Variants in WWC1 observed in about 807,000 individuals in gnomAD.
WWC1 encodes protein KIBRA.
In WWC1, 55 loss-of-function variants were observed where a neutral mutation model predicts 138.4. The ratio of observed to expected loss-of-function variants is 0.40; its 90% CI spans 0.32 to 0.50. WWC1 has a LOEUF of 0.50. Among genes scored for constraint, WWC1 ranks in the 20% least tolerant of loss-of-function variants. WWC1 has a pLI of 0.72. For missense variants in WWC1, 1,226 were observed against 1,420.4 expected (o/e 0.86, Z 2.20); for synonymous variants, 524 against 564.9 (o/e 0.93, Z 1.03).
rs1380401969 is a variant in WWC1 at position 168,301,530 on chromosome 5, C to T, written c.119+9259C>T. Among the ~76,000 whole-genome samples the T allele has an allele frequency of 4.6e-5, 7 of 151,534 alleles. No homozygotes were observed. In the South Asian group the frequency reaches 8.3e-4, roughly 18 times the overall value. On this transcript the variant is annotated intron_variant, in intron 1 of 22. Coordinates refer to ENST00000265293, the MANE Select transcript of WWC1 (RefSeq NM_015238.3). ...GCAGGCGCCTGTAATCCCAGCTACTCGGGAGGCTGAGGCAGGAGAGTCGCT... is the reference window on the plus strand; with the variant it reads ...GCAGGCGCCTGTAATCCCAGCTACTTGGGAGGCTGAGGCAGGAGAGTCGCT...
At chr5:168,368,225 G>C (rs968917083) in intron 1 of WWC1, among the ~76,000 whole-genome samples, 3 of 151,520 alleles carry the variant, frequency 2.0e-5, no homozygotes, top group Non-Finnish European at 1.5e-5. Context: ...CAAGTAGCTG[G>C]GATTACAGGT....
chr5:168,312,249 T>C (rs995849228), intron 1 of WWC1, among the ~76,000 whole-genome samples: 15 of 152,128 alleles, frequency 9.9e-5, no homozygotes, highest in Middle Eastern at 3.4e-3. Context: ...ACCAAGATTT[T>C]ATTGAGTGCA....
In WWC1 at chr5:168,469,094, T is replaced by G; in HGVS notation, c.*77T>G. On this transcript the variant is annotated 3_prime_UTR_variant, in exon 23 of 23. Coordinates refer to ENST00000265293, the MANE Select transcript of WWC1 (RefSeq NM_015238.3). ...TGTGGCTAAAGTTATTTATGTGGTG[T>G]TATATGAAGGTACTGAGTCACAAGT... is the stretch of plus-strand genomic sequence containing the variant. 2 of 1,575,566 alleles carry G rather than the reference T, an allele frequency of 1.3e-6. No homozygotes were observed. The highest frequency in any genetic ancestry group is 8.7e-7 in the Non-Finnish European group (1 of 1,146,838).
At chr5:168,397,858 C>T in intron 4 of WWC1, 58 bp downstream of exon 4, 2 of 1,584,232 alleles carry the variant, frequency 1.3e-6, no homozygotes, top group Non-Finnish European at 1.7e-6. Flanking sequence ...GGTCTTAGGC[C>T]ACAAGCCCAC....
At chr5:168,366,802 C>CTTTTTTTTTTT (rs202012790) in intron 1 of WWC1, among the ~76,000 whole-genome samples, 1 of 100,570 alleles carries the variant, frequency 9.9e-6, no homozygotes, top group Non-Finnish European at 1.8e-5. Flanking sequence ...CTTTGAAACA[C>CTTTTTTTTTTT]TTTTTTTTTT....
intron 11 of WWC1, 32 bp downstream of exon 11, chr5:168,424,100 C>A: frequency 6.5e-7 from 1 of 1,548,526 alleles, no homozygotes; most frequent in Non-Finnish European, 8.7e-7. Context: ...GGGTGGGAAC[C>A]AGGAGGAGGG....
At chr5:168,306,264 C>T (rs1001790347) in intron 1 of WWC1, among the ~76,000 whole-genome samples, 1 of 152,082 alleles carries the variant, frequency 6.6e-6, no homozygotes, top group Non-Finnish European at 1.5e-5. Flanking sequence ...GGTGTAGTGG[C>T]ACACTCCTGT....
chr5:168,439,743 C>G (rs1754586074), intron 15 of WWC1, among the ~76,000 whole-genome samples: 1 of 152,040 alleles, frequency 6.6e-6, no homozygotes, highest in Non-Finnish European at 1.5e-5. Flanking sequence ...GTGGGATAGA[C>G]AGCTACAAGG....
chr5:168,406,707 T>C (rs926655343), intron 6 of WWC1, among the ~76,000 whole-genome samples: 5 of 152,202 alleles, frequency 3.3e-5, no homozygotes, highest in Non-Finnish European at 5.9e-5. Flanking sequence ...TTTGGGAGGC[T>C]GAGGCGGGCG....
At chr5:168,417,391 C>G (rs1780744643) in intron 9 of WWC1, among the ~76,000 whole-genome samples, 1 of 152,066 alleles carries the variant, frequency 6.6e-6, no homozygotes, top group Non-Finnish European at 1.5e-5. Flanking sequence ...CTTAGGGACC[C>G]CTAGGATATA....
Position 168,406,422 on chromosome 5 carries a change from C to T in WWC1, c.720+95C>T, listed in dbSNP as rs1214443176. 2.6e-6 allele frequency: 4 copies of T among 1,526,148 alleles called. No homozygotes were observed. In the African/African-American group the frequency reaches 5.5e-5, roughly 21 times the overall value. The allele number at this position is 1,526,148 out of a possible 1,614,324, so 94.5% of individuals were successfully genotyped here. On this transcript the variant is annotated intron_variant, in intron 6 of 22. Coordinates refer to ENST00000265293, the MANE Select transcript of WWC1 (RefSeq NM_015238.3). ...GCGGGCTATTTCCACGTGGTACACA[C>T]ATCACTGAGTTCTCATTACCAGTCT...
chr5:168,392,904 G>T (rs1778611450), intron 3 of WWC1, among the ~76,000 whole-genome samples: 1 of 152,086 alleles, frequency 6.6e-6, no homozygotes, highest in African/African-American at 2.4e-5. Flanking sequence ...CAAGGAGTAT[G>T]CATGAAGAAG....
intron 1 of WWC1, among the ~76,000 whole-genome samples, chr5:168,349,520 C>T (rs1193954644): frequency 2.6e-5 from 4 of 152,192 alleles, no homozygotes; most frequent in Admixed American, 2.0e-4. Context: ...TCAGCACAGC[C>T]CTGCAGGCTG....
chr5:168,424,359 A>G (rs1199633012), intron 11 of WWC1, among the ~76,000 whole-genome samples: 1 of 152,204 alleles, frequency 6.6e-6, no homozygotes. Context: ...TCATCTATTC[A>G]TGATTATAGA....
chr5:168,339,791 T>C (rs1414763441), intron 1 of WWC1, among the ~76,000 whole-genome samples: 7 of 150,194 alleles, frequency 4.7e-5, no homozygotes, highest in Non-Finnish European at 8.8e-5. Flanking sequence ...ATGAGACAAG[T>C]ACCATTCTTT....
intron 1 of WWC1, among the ~76,000 whole-genome samples, chr5:168,365,335 C>G (rs1018543588): frequency 1.3e-5 from 2 of 152,128 alleles, no homozygotes; most frequent in Admixed American, 1.3e-4. Context: ...AGTGATCCCG[C>G]CCAGCCAGCC....
At chr5:168,364,420 G>C (rs1386706702) in intron 1 of WWC1, among the ~76,000 whole-genome samples, 1 of 152,058 alleles carries the variant, frequency 6.6e-6, no homozygotes, top group Non-Finnish European at 1.5e-5. Flanking sequence ...AAATATCCCT[G>C]CATCCTCTAA....
intron 1 of WWC1, among the ~76,000 whole-genome samples, chr5:168,355,417 C>G (rs1775317712): frequency 6.6e-6 from 1 of 151,054 alleles, no homozygotes; most frequent in African/African-American, 2.4e-5. Flanking sequence ...TCTCTTGAAC[C>G]CGGGAGGTAA....
intron 1 of WWC1, among the ~76,000 whole-genome samples, chr5:168,360,402 G>A (rs976028421): frequency 1.3e-5 from 2 of 152,102 alleles, no homozygotes; most frequent in Non-Finnish European, 2.9e-5. Flanking sequence ...GTTTCCTGTT[G>A]GTGAAATTGG....
Sources: gnomAD v4.1 joint callset for allele counts (sites outside exome capture counted in the v4.1 genomes callset) on GRCh38, gnomAD v4.1.1 for gene constraint, MANE v1.5 for transcripts, NCBI Gene and HGNC (gene_info 2026-07-23, HGNC 2026-07-21) for gene names.